Variants in COPB1 observed in about 807,000 individuals in gnomAD.
COPB1 encodes coatomer subunit beta.
In COPB1, 21 loss-of-function variants were observed where a neutral mutation model predicts 108.7. That is an observed-to-expected ratio of 0.19 (90% CI 0.14 to 0.28). The LOEUF is 0.28. COPB1 is among the 10% of genes least tolerant of loss of function. COPB1 has a pLI of 1.00. For synonymous variants in COPB1, 378 were observed against 386.8 expected (o/e 0.98, Z 0.27); for missense variants, 919 against 1,141.3 (o/e 0.81, Z 2.81).
chr11:14,476,813 A>G (rs914615815), intron 12 of COPB1, 106 bp downstream of exon 12: 5 of 676,362 alleles, frequency 7.4e-6, no homozygotes, highest in African/African-American at 5.7e-5. Context: ...TTCAAACAAA[A>G]TCTAACTCAG....
chr11:14,461,209 C>G lies in COPB1; in HGVS notation c.2533G>C (p.Ala845Pro). The G allele has an allele frequency of 6.2e-7, 1 of 1,614,120 alleles. No individual in the cohort carries two copies. ...ACTTTGTTTTCCCATTCAAATTCGG[C>G]CCACATCTGACGGAATTCTGCATCA... is the stretch of plus-strand genomic sequence containing the variant. ...CTDAEFRQMW[A>P]EFEWENKVTV... Residue 845 changes from alanine to proline, a missense_variant, in exon 19 of 22, where the codon GCC (alanine) becomes CCC (proline). This residue lies in a region of COPB1 where 705 missense variants were observed against 817.8 expected (regional missense o/e 0.86). Transcript: ENST00000439561.
chr11:14,481,134 C>T, intron 8 of COPB1, 37 bp from the exon 9 acceptor site: 1 of 1,506,436 alleles, frequency 6.6e-7, no homozygotes, highest in South Asian at 1.2e-5. Context: ...TAACACCAAT[C>T]TTTCTGGTCA....
At chr11:14,477,591 C>G (rs1051455949) in intron 11 of COPB1, among the ~76,000 whole-genome samples, 1 of 149,840 alleles carries the variant, frequency 6.7e-6, no homozygotes, top group Non-Finnish European at 1.5e-5. Context: ...ATTGAGGAAA[C>G]TGAGGCATAA....
Position 14,475,823 on chromosome 11 carries a change from G to C in COPB1, c.1578C>G (p.Ala526=), listed in dbSNP as rs1372159959. 2 of 1,611,806 alleles carry C rather than the reference G, an allele frequency of 1.2e-6. No homozygotes were observed. The highest frequency in any genetic ancestry group is 2.7e-5 in the African/African-American group (2 of 74,612). Residue 526 remains alanine (A), a synonymous_variant, in exon 13 of 22, where the codon GCC becomes GCG. Transcript: ENST00000439561. ...TEMGTYATQS[A]LSSSRPTKKE... is the part of the protein sequence containing the mutation. The stretch of plus-strand genomic sequence containing the variant: ...TCTTGGTGGGTCTAGAACTGCTAAG[G>C]GCACTCTGAGTTGCATAGGTACCCA...
chr11:14,464,731 T>C (rs910932133), intron 18 of COPB1, among the ~76,000 whole-genome samples, 180 bp downstream of exon 18: 1 of 152,218 alleles, frequency 6.6e-6, no homozygotes, highest in African/African-American at 2.4e-5. Flanking sequence ...ACAGTGACTC[T>C]ATCTGGTTCA....
At chr11:14,484,769 T>C (rs536449606) in intron 7 of COPB1, among the ~76,000 whole-genome samples, 1 of 152,278 alleles carries the variant, frequency 6.6e-6, no homozygotes, top group African/African-American at 2.4e-5. Context: ...CTTTGTACTA[T>C]GCAATTTTTC....
At position 14,474,590 on chromosome 11, in the gene COPB1, C is replaced by T; in HGVS notation, c.1642G>A (p.Asp548Asn). 6.2e-7 allele frequency: 1 copy of T among 1,613,916 alleles called. No homozygotes were observed. Among genetic ancestry groups the T allele is most frequent in the Non-Finnish European group, 8.5e-7 (1 of 1,179,898 alleles). The change falls in exon 14 of 22, where the codon GAT becomes AAT. Residue 548 changes from aspartate to asparagine, a missense_variant. This residue lies in a region of COPB1 where 705 missense variants were observed against 817.8 expected (regional missense o/e 0.86). Coordinates refer to ENST00000439561, the MANE Select transcript of COPB1 (RefSeq NM_001144061.2). Reference protein sequence around the residue: ...DRPPLRGFLLDGDFFVAASLA... With the variant: ...DRPPLRGFLLNGDFFVAASLA... Reference sequence around the variant, plus strand: ...GAGGCAGCAACAAAGAAATCTCCATCCAGAAGGAATCCTCTCAAGGGAGGT... The same window carrying T: ...GAGGCAGCAACAAAGAAATCTCCATTCAGAAGGAATCCTCTCAAGGGAGGT...
chr11:14,469,689 TTA>T (rs1430676674), intron 14 of COPB1, 126 bp from the exon 15 acceptor site: 4 of 816,876 alleles, frequency 4.9e-6, no homozygotes, highest in Non-Finnish European at 7.7e-6. Flanking sequence ...TCTTTGGATT[TTA>T]TGTCCATATC....
intron 7 of COPB1, among the ~76,000 whole-genome samples, chr11:14,483,359 T>C (rs887366458): frequency 6.6e-6 from 1 of 152,078 alleles, no homozygotes; most frequent in African/African-American, 2.4e-5. Flanking sequence ...TCCCTTGTTA[T>C]TTTTCAAACT....
intron 20 of COPB1, 126 bp from the exon 21 acceptor site, chr11:14,458,813 G>C: frequency 1.2e-6 from 1 of 836,806 alleles, no homozygotes; most frequent in Non-Finnish European, 1.8e-6. Flanking sequence ...GTCCAGCTTG[G>C]AGCTGGAGTG....
chr11:14,477,376 CG>C (rs1565017784), intron 11 of COPB1, among the ~76,000 whole-genome samples: 1 of 48,926 alleles, frequency 2.0e-5, no homozygotes, highest in Admixed American at 3.4e-4. Context: ...GGTGACAGAG[CG>C]AGACTCCGTC....
chr11:14,490,517 T>C (rs773250208), intron 5 of COPB1, 48 bp downstream of exon 5: 11 of 1,064,264 alleles, frequency 1.0e-5, no homozygotes, highest in African/African-American at 1.6e-5. Context: ...ATACTTTCAA[T>C]TGTCACTTAA....
At chr11:14,468,596 T>A in intron 16 of COPB1, 85 bp downstream of exon 16, 1 of 1,330,170 alleles carries the variant, frequency 7.5e-7, no homozygotes, top group South Asian at 1.3e-5. Flanking sequence ...ACAAAATAGT[T>A]ATCTTTCTTT....
At chr11:14,466,661 A>T (rs1174779569) in intron 16 of COPB1, among the ~76,000 whole-genome samples, 2 of 152,204 alleles carry the variant, frequency 1.3e-5, no homozygotes, top group Admixed American at 6.5e-5. Flanking sequence ...ATAACTCAGT[A>T]TAAGGTATTA....
At chr11:14,464,824 C>A in intron 18 of COPB1, 87 bp downstream of exon 18, 6 of 1,384,772 alleles carry the variant, frequency 4.3e-6, no homozygotes, top group Non-Finnish European at 6.0e-6. Flanking sequence ...TTTAGATCCT[C>A]TCCTCATACA....
chr11:14,457,910 A>G (rs1850063102), intron 21 of COPB1, 27 bp from the exon 22 acceptor site: 1 of 1,388,102 alleles, frequency 7.2e-7, no homozygotes, highest in Non-Finnish European at 1.0e-6. Context: ...AGATATTTAT[A>G]ATTATTTAAA....
At chr11:14,458,830 C>T (rs980882941) in intron 20 of COPB1, 143 bp from the exon 21 acceptor site, 52 of 675,960 alleles carry the variant, frequency 7.7e-5, no homozygotes, top group Non-Finnish European at 1.1e-4. Flanking sequence ...AGTGCAGTGG[C>T]GTGATCTCGG....
chr11:14,484,016 C>G (rs1384506472), intron 7 of COPB1, among the ~76,000 whole-genome samples: 1 of 152,192 alleles, frequency 6.6e-6, no homozygotes, highest in African/African-American at 2.4e-5. Flanking sequence ...GACATACAGA[C>G]ATCATGTACT....
At chr11:14,466,131 A>C (rs1297575641) in intron 17 of COPB1, 151 bp downstream of exon 17, 1 of 758,740 alleles carries the variant, frequency 1.3e-6, no homozygotes, top group Non-Finnish European at 2.0e-6. Flanking sequence ...GAGTTTAAGG[A>C]AACTAAATGA....
Sources: allele counts gnomAD v4.1 joint callset (sites outside exome capture counted in the v4.1 genomes callset), GRCh38; gene constraint gnomAD v4.1.1; regional missense constraint gnomAD v4.1.1; transcripts MANE v1.5; gene names NCBI Gene and HGNC (gene_info 2026-07-23, HGNC 2026-07-21).